Variants in FGF9 observed in about 807,000 individuals in gnomAD.
The protein encoded by FGF9 is fibroblast growth factor 9 (glia-activating factor).
In FGF9, 3 loss-of-function variants were observed where a neutral mutation model predicts 19.9. The observed-to-expected ratio is 0.15, with a 90% CI of 0.07 to 0.39. FGF9 has a LOEUF of 0.39. Ranked by LOEUF, FGF9 falls within the 10% of genes least tolerant of loss-of-function variation. The pLI is 1.00. For synonymous variants in FGF9, 107 were observed against 106.9 expected (o/e 1.00, Z -0.01); for missense variants, 175 against 256.8 (o/e 0.68, Z 2.18).
chr13:21,682,131 C>G (rs1048617051), intron 2 of FGF9, among the ~76,000 whole-genome samples: 2 of 151,844 alleles, frequency 1.3e-5, no homozygotes, highest in South Asian at 4.2e-4. Context: ...GCCTCAGCCT[C>G]CTGTGTAGCT....
At chr13:21,689,448 C>CT (rs11334264) in intron 2 of FGF9, among the ~76,000 whole-genome samples, 1,533 of 148,210 alleles carry the variant, frequency 0.01, 24 homozygotes, top group African/African-American at 0.032. Context: ...CCCAAATCAT[C>CT]TTTTTTTTTT....
chr13:21,679,911 C>T (rs1014823889), intron 1 of FGF9, among the ~76,000 whole-genome samples: 13 of 147,742 alleles, frequency 8.8e-5, no homozygotes, highest in African/African-American at 2.8e-4. Flanking sequence ...GAGCCAAGAT[C>T]GCACCACTAC....
chr13:21,672,273 A>G lies in FGF9; in HGVS notation c.277+84A>G. The G allele has an allele frequency of 6.7e-7, 1 of 1,482,502 alleles. No individual in the cohort carries two copies. The highest frequency in any genetic ancestry group is 9.4e-7 in the Non-Finnish European group (1 of 1,064,254). 91.8% of individuals were successfully genotyped at this position (1,482,502 alleles called of 1,614,324 possible). On this transcript the variant is annotated intron_variant, in intron 1 of 2. Transcript: ENST00000382353. This position sits in a 1 kb window ranked among gnomAD's most constrained non-coding sequence, Gnocchi z 4.2. ...CAAGAAGGTGGTGGCCGGGTGGGGG[A>G]CGTGGGAAGGGTTCTCCCCTCCTCC...
chr13:21,698,294 T>C (rs983581745), intron 2 of FGF9, among the ~76,000 whole-genome samples: 1 of 152,232 alleles, frequency 6.6e-6, no homozygotes, highest in Non-Finnish European at 1.5e-5. Context: ...TGCTGTCCCA[T>C]GTATTTTAAC....
At chr13:21,687,706 C>T (rs144046809) in intron 2 of FGF9, among the ~76,000 whole-genome samples, 77 of 152,316 alleles carry the variant, frequency 5.1e-4, no homozygotes, top group African/African-American at 1.8e-3. Flanking sequence ...CTGATCTTCA[C>T]TTATCTCAGA....
chr13:21,690,382 C>T (rs1045740824), intron 2 of FGF9, among the ~76,000 whole-genome samples: 4 of 152,114 alleles, frequency 2.6e-5, no homozygotes, highest in South Asian at 2.1e-4. Flanking sequence ...GACATACCCA[C>T]GTGCTTATAC....
At chr13:21,700,682 C>G (rs1294257931) in intron 2 of FGF9, among the ~76,000 whole-genome samples, 4 of 152,220 alleles carry the variant, frequency 2.6e-5, no homozygotes, top group African/African-American at 9.7e-5. Flanking sequence ...CAGGCTCTCC[C>G]TCCCAGTGTG....
At chr13:21,686,733 A>G (rs1872167626) in intron 2 of FGF9, among the ~76,000 whole-genome samples, 1 of 152,204 alleles carries the variant, frequency 6.6e-6, no homozygotes, top group African/African-American at 2.4e-5. Context: ...GGCACATGGT[A>G]AATGTTTGTT....
intron 1 of FGF9, among the ~76,000 whole-genome samples, chr13:21,675,570 C>T (rs766590141): frequency 9.2e-4 from 140 of 152,254 alleles, no homozygotes; most frequent in South Asian, 1.9e-3. Context: ...GCGGCCTCAC[C>T]TTCGGCCCTC....
chr13:21,689,539 G>C (rs1459296727), intron 2 of FGF9, among the ~76,000 whole-genome samples: 1 of 152,042 alleles, frequency 6.6e-6, no homozygotes, highest in Non-Finnish European at 1.5e-5. Context: ...TGGAGGAGTT[G>C]ACATGTAGAC....
At position 21,697,250 on chromosome 13, in the gene FGF9, G is replaced by A. The variant is rs17840908; in HGVS notation, c.382-3940G>A. On this transcript the variant is annotated intron_variant, in intron 2 of 2. Coordinates refer to ENST00000382353, the MANE Select transcript of FGF9 (RefSeq NM_002010.3). Reference sequence around the variant, plus strand: ...ACGGCTCACTGCAGCCTCGACTCAAGTGACCTTCCTGCCTCAGCCTCCTGT... The same window carrying A: ...ACGGCTCACTGCAGCCTCGACTCAAATGACCTTCCTGCCTCAGCCTCCTGT... Among the ~76,000 whole-genome samples, 48 of 152,268 alleles carry A rather than the reference G, an allele frequency of 3.2e-4. No homozygotes were observed. The East Asian group carries it at 9.1e-3, about 29-fold the overall frequency.
Position 21,672,975 on chromosome 13 carries a change from T to C in FGF9, c.277+786T>C, listed in dbSNP as rs921657896. 1.1e-4 allele frequency among the ~76,000 whole-genome samples: 16 copies of C among 152,126 alleles called. No homozygotes were observed. The highest frequency in any genetic ancestry group is 3.6e-4 in the African/African-American group (15 of 41,426). On this transcript the variant is annotated intron_variant, in intron 1 of 2. Transcript: ENST00000382353. The surrounding 1 kb of genome is among the most constrained non-coding windows in gnomAD (Gnocchi z 4.2). ...CGAATTTTAAAGGGCATTCCGAGGATTTCATTTTTCAGCGGAGGGTATTTG... is the reference window on the plus strand; with the variant it reads ...CGAATTTTAAAGGGCATTCCGAGGACTTCATTTTTCAGCGGAGGGTATTTG...
chr13:21,697,127 T>C (rs78903414), intron 2 of FGF9, among the ~76,000 whole-genome samples: 1 of 152,184 alleles, frequency 6.6e-6, no homozygotes, highest in African/African-American at 2.4e-5. Context: ...TCACAAAAAA[T>C]GCTGGCTGTA....
At chr13:21,693,416 G>T (rs1380249510) in intron 2 of FGF9, among the ~76,000 whole-genome samples, 1 of 152,086 alleles carries the variant, frequency 6.6e-6, no homozygotes, top group African/African-American at 2.4e-5. Context: ...TCCGCTGTGG[G>T]TATCTGAGAA....
chr13:21,693,132 A>G (rs1326340696), intron 2 of FGF9, among the ~76,000 whole-genome samples: 1 of 152,200 alleles, frequency 6.6e-6, no homozygotes, highest in African/African-American at 2.4e-5. Flanking sequence ...GAATGACCAG[A>G]TGGTCAGGTC....
At position 21,701,406 on chromosome 13, in the gene FGF9, C is replaced by G. The variant is rs1872539185; in HGVS notation, c.598C>G (p.Leu200Val). 1.2e-6 allele frequency: 2 copies of G among 1,613,822 alleles called. No individual in the cohort carries two copies. Among genetic ancestry groups the G allele is most frequent in the Admixed American group, 1.7e-5 (1 of 59,984 alleles). Residue 200 changes from leucine to valine, a missense_variant, in exon 3 of 3, where the codon CTG (leucine) becomes GTG (valine). Physicochemically the swap from Leu to Val is conservative, Grantham distance 32. Coordinates refer to ENST00000382353, the MANE Select transcript of FGF9 (RefSeq NM_002010.3). The part of the protein sequence containing the change: ...RPVDPDKVPE[L>V]YKDILSQS ...AGTGGACCCCGACAAAGTACCTGAA[C>G]TGTATAAGGATATTCTAAGCCAAAG...
chr13:21,699,454 A>G (rs1439500370), intron 2 of FGF9, among the ~76,000 whole-genome samples: 1 of 152,224 alleles, frequency 6.6e-6, no homozygotes, highest in Admixed American at 6.5e-5. Flanking sequence ...ATAGAAGAGC[A>G]CTTGTCAGGA....
In FGF9 at chr13:21,701,396, A is replaced by C; in HGVS notation, c.588A>C (p.Lys196Asn). The C allele has an allele frequency of 1.2e-6, 2 of 1,614,080 alleles. No homozygotes were observed. Among genetic ancestry groups the C allele is most frequent in the Non-Finnish European group, 1.7e-6 (2 of 1,179,992 alleles). ...TACCTAGACCAGTGGACCCCGACAAAGTACCTGAACTGTATAAGGATATTC... is the reference window on the plus strand; with the variant it reads ...TACCTAGACCAGTGGACCCCGACAACGTACCTGAACTGTATAAGGATATTC... ...HFLPRPVDPD[K>N]VPELYKDILS... Residue 196 changes from lysine to asparagine, a missense_variant, in exon 3 of 3, where the codon AAA becomes AAC. Around this residue, in one of 3 missense-constraint regions of FGF9, gnomAD observed 101 missense variants for 160.7 expected, o/e 0.63. Transcript: ENST00000382353.
intron 2 of FGF9, among the ~76,000 whole-genome samples, chr13:21,700,187 C>G (rs143539095): frequency 6.6e-6 from 1 of 152,188 alleles, no homozygotes; most frequent in East Asian, 1.9e-4. Flanking sequence ...GCTTTGTGAT[C>G]TGGATCAATG....
Sources: gnomAD v4.1 joint callset for allele counts (sites outside exome capture counted in the v4.1 genomes callset) on GRCh38, gnomAD v4.1.1 for gene constraint, gnomAD v4.1.1 regional missense constraint, Gnocchi (gnomAD v3.1) non-coding constraint, MANE v1.5 for transcripts, NCBI Gene and HGNC (gene_info 2026-07-23, HGNC 2026-07-21) for gene names.